NKAIN2: variants seen among roughly 807,000 people sequenced by gnomAD.
The protein encoded by NKAIN2 is sodium/potassium-transporting ATPase subunit beta-1-interacting protein 2.
Under a neutral mutation model 32.6 loss-of-function variants are expected in NKAIN2, and 14 were observed. The observed-to-expected ratio is 0.43, with a 90% confidence interval of 0.28 to 0.67. NKAIN2 has a LOEUF of 0.67. Ranked by LOEUF, NKAIN2 falls within the 30% of genes least tolerant of loss-of-function variation. NKAIN2 has a pLI of 0.17. For synonymous variants in NKAIN2, 80 were observed against 87.2 expected, an observed-to-expected ratio of 0.92 and a Z score of 0.46; for missense variants, 198 against 258.3, an observed-to-expected ratio of 0.77 and a Z score of 1.60.
intron 3 of NKAIN2, among the ~76,000 whole-genome samples, chr6:124,459,172 C>T (rs146217473): frequency 2.0e-3 from 307 of 150,984 alleles, no homozygotes; most frequent in African/African-American, 7.2e-3. Flanking sequence ...AGGAGGAGTC[C>T]CCAAAGACAA....
At chr6:124,224,169 C>T (rs533409055) in intron 1 of NKAIN2, among the ~76,000 whole-genome samples, 17 of 152,200 alleles carry the variant, frequency 1.1e-4, no homozygotes, top group African/African-American at 1.4e-4. Flanking sequence ...TATTAATTTA[C>T]GTACAGTATG....
intron 4 of NKAIN2, among the ~76,000 whole-genome samples, chr6:124,675,532 A>G (rs1259109535): frequency 6.6e-6 from 1 of 151,962 alleles, no homozygotes; most frequent in Non-Finnish European, 1.5e-5. Context: ...TGGACTTATG[A>G]GTTATTGCTC....
intron 1 of NKAIN2, among the ~76,000 whole-genome samples, chr6:123,916,321 C>T (rs1306851100): frequency 2.0e-5 from 3 of 152,080 alleles, no homozygotes; most frequent in Non-Finnish European, 2.9e-5. Context: ...GGTGCAATCT[C>T]GGCACACTGC....
chr6:124,685,331 G>T (rs1773816819), intron 4 of NKAIN2, among the ~76,000 whole-genome samples: 1 of 152,140 alleles, frequency 6.6e-6, no homozygotes, highest in Admixed American at 6.6e-5. Flanking sequence ...ACAATAATTA[G>T]TAGTGAAGGA....
At chr6:124,741,406 A>C (rs1243829907) in intron 4 of NKAIN2, among the ~76,000 whole-genome samples, 1 of 151,880 alleles carries the variant, frequency 6.6e-6, no homozygotes, top group Non-Finnish European at 1.5e-5. Context: ...AATCCAGTAG[A>C]AATGGTTTTT....
intron 5 of NKAIN2, among the ~76,000 whole-genome samples, chr6:124,793,678 T>TTAA (rs1562386739): frequency 8.7e-5 from 5 of 57,454 alleles, no homozygotes; most frequent in South Asian, 1.1e-3. Context: ...GACATACTGC[T>TTAA]CAAAAAAAAA....
At chr6:124,516,857 GCTTTACTC>G (rs1319777656) in intron 3 of NKAIN2, among the ~76,000 whole-genome samples, 2 of 152,108 alleles carry the variant, frequency 1.3e-5, no homozygotes, top group Admixed American at 6.6e-5. Flanking sequence ...TTGCATGGGG[GCTTTACTC>G]CTTTGCTCAA....
At chr6:124,139,118 G>T (rs1787004376) in intron 1 of NKAIN2, among the ~76,000 whole-genome samples, 1 of 110,086 alleles carries the variant, frequency 9.1e-6, no homozygotes. Context: ...GTCTCGCTCT[G>T]TCGCCCAGGC....
intron 1 of NKAIN2, among the ~76,000 whole-genome samples, chr6:123,985,861 T>A (rs1047883159): frequency 3.9e-5 from 6 of 152,006 alleles, no homozygotes; most frequent in African/African-American, 9.7e-5. Flanking sequence ...GAAAAATGAT[T>A]TAATGTAGAA....
At chr6:124,276,614 C>T (rs1795046331) in intron 1 of NKAIN2, among the ~76,000 whole-genome samples, 1 of 152,010 alleles carries the variant, frequency 6.6e-6, no homozygotes, top group East Asian at 1.9e-4. Context: ...CCACTACGAA[C>T]AACACAGAGA....
At chr6:124,013,912 T>G (rs1052729541) in intron 1 of NKAIN2, among the ~76,000 whole-genome samples, 1 of 152,150 alleles carries the variant, frequency 6.6e-6, no homozygotes, top group Non-Finnish European at 1.5e-5. Context: ...GGAAATGGAT[T>G]CTTCCATAGA....
At chr6:124,237,989 A>C (rs1792867173) in intron 1 of NKAIN2, among the ~76,000 whole-genome samples, 1 of 152,128 alleles carries the variant, frequency 6.6e-6, no homozygotes, top group Non-Finnish European at 1.5e-5. Flanking sequence ...TGTATAGCAC[A>C]AGAGAACTAA....
At chr6:124,313,444 A>T (rs1236905317) in intron 2 of NKAIN2, among the ~76,000 whole-genome samples, 1 of 152,096 alleles carries the variant, frequency 6.6e-6, no homozygotes, top group Non-Finnish European at 1.5e-5. Flanking sequence ...AGTTCAGTTT[A>T]AAACTTCAGT....
intron 3 of NKAIN2, among the ~76,000 whole-genome samples, chr6:124,415,039 G>T (rs1239288517): frequency 1.3e-5 from 2 of 151,932 alleles, no homozygotes; most frequent in African/African-American, 2.4e-5. Context: ...GAAGACTTCT[G>T]TGAGCAAATA....
chr6:124,252,835 A>T (rs1186842612), intron 1 of NKAIN2, among the ~76,000 whole-genome samples: 1 of 152,152 alleles, frequency 6.6e-6, no homozygotes, highest in Non-Finnish European at 1.5e-5. Context: ...TAAATTAAAG[A>T]TAATGATAAT....
At chr6:124,442,832 A>G (rs1775744708) in intron 3 of NKAIN2, among the ~76,000 whole-genome samples, 1 of 152,054 alleles carries the variant, frequency 6.6e-6, no homozygotes, top group Non-Finnish European at 1.5e-5. Flanking sequence ...TTTGGATTTT[A>G]CATAAACTAC....
intron 1 of NKAIN2, among the ~76,000 whole-genome samples, chr6:123,920,346 G>A (rs1775694219): frequency 6.6e-6 from 1 of 152,008 alleles, no homozygotes; most frequent in African/African-American, 2.4e-5. Context: ...CTGATTTTTG[G>A]TGCACACTCC....
At chr6:124,383,772 G>A (rs1038062786) in intron 3 of NKAIN2, among the ~76,000 whole-genome samples, 2 of 152,098 alleles carry the variant, frequency 1.3e-5, no homozygotes, top group Non-Finnish European at 2.9e-5. Flanking sequence ...GGAAAAGCTT[G>A]GACAATCAGC....
chr6:124,291,680 T>C (rs1374784287), intron 2 of NKAIN2, among the ~76,000 whole-genome samples: 2 of 152,124 alleles, frequency 1.3e-5, no homozygotes, highest in Non-Finnish European at 2.9e-5. Context: ...CTTATTCTTC[T>C]GGAGGCTGCT....
Sources: gnomAD v4.1 joint callset for allele counts (sites outside exome capture counted in the v4.1 genomes callset) on GRCh38, gnomAD v4.1.1 for gene constraint, MANE v1.5 for transcripts, NCBI Gene and HGNC (gene_info 2026-07-23, HGNC 2026-07-21) for gene names.